GALNS: variants seen among roughly 807,000 people sequenced by gnomAD.
The protein encoded by GALNS is galactosamine (N-acetyl)-6-sulfatase.
In GALNS, 65 loss-of-function variants were observed where a neutral mutation model predicts 65.9. The observed-to-expected ratio is 0.99, with a 90% confidence interval of 0.81 to 1.21. GALNS has a LOEUF of 1.21. GALNS is among the 50% of genes most tolerant of loss of function. The probability of loss-of-function intolerance (pLI) is 0.00; values close to 1 mark genes in which losing one functional copy is unlikely to be tolerated. For synonymous variants in GALNS, 346 were observed against 288.9 expected (o/e 1.20, Z -2.00); for missense variants, 776 against 700.7 (o/e 1.11, Z -1.21).
intron 11 of GALNS, 106 bp from the exon 12 acceptor site, chr16:88,822,816 T>A: frequency 1.3e-6 from 2 of 1,498,774 alleles, no homozygotes; most frequent in Non-Finnish European, 1.8e-6. Context: ...GTGAGGGGCC[T>A]TGTCTGCCTG....
At chr16:88,814,891 G>A (rs755012936) in intron 13 of GALNS, 10 of 364,884 alleles carry the variant, frequency 2.7e-5, no homozygotes, top group South Asian at 1.1e-4. Flanking sequence ...GAGCCACCAC[G>A]CCCAACCATT....
intron 1 of GALNS, among the ~76,000 whole-genome samples, chr16:88,850,301 G>T (rs1284497698): frequency 2.0e-5 from 3 of 152,228 alleles, no homozygotes; most frequent in Non-Finnish European, 4.4e-5. Context: ...CCTCCCTGCA[G>T]GCTGCGTCCT....
intron 1 of GALNS, among the ~76,000 whole-genome samples, chr16:88,846,661 G>A (rs1219668709): frequency 1.3e-5 from 2 of 151,994 alleles, no homozygotes; most frequent in African/African-American, 4.8e-5. Context: ...TCCTGCCTCA[G>A]CCTCCCAAGT....
chr16:88,814,172 C>T lies in GALNS; in HGVS notation c.*267G>A, dbSNP rs938575327. On this transcript the variant is annotated 3_prime_UTR_variant, in exon 14 of 14. Coordinates refer to ENST00000268695, the MANE Select transcript of GALNS (RefSeq NM_000512.5). ...CTCAGATATTTGGGGTTCACAAAGG[C>T]GTGAGACGGCAGGGTCCTGAGGTCT... 14 of 559,396 alleles carry T rather than the reference C, an allele frequency of 2.5e-5. No homozygotes were observed. The highest frequency in any genetic ancestry group is 1.8e-4 in the South Asian group (9 of 49,934). The allele number at this position is 559,396 out of a possible 1,614,324, so 34.7% of individuals were successfully genotyped here. A position where few individuals can be genotyped will look rare whatever the true frequency, so the allele number is the denominator to read the frequency against.
intron 8 of GALNS, among the ~76,000 whole-genome samples, chr16:88,834,711 C>T (rs544710160): frequency 6.7e-5 from 10 of 150,374 alleles, no homozygotes; most frequent in East Asian, 6.1e-4. Context: ...TCATCAGTGC[C>T]GAGCGGGGGA....
chr16:88,822,449 G>T, intron 12 of GALNS, 140 bp downstream of exon 12: 1 of 1,143,596 alleles, frequency 8.7e-7, no homozygotes, highest in Non-Finnish European at 1.3e-6. Flanking sequence ...CCAAGCACGT[G>T]TGGGTATGAA....
chr16:88,830,630 T>G (rs1255685734), intron 9 of GALNS, among the ~76,000 whole-genome samples: 17 of 152,162 alleles, frequency 1.1e-4, no homozygotes. Context: ...TATGTCTGGC[T>G]CAAGTGCCTG....
At chr16:88,843,551 C>A in intron 1 of GALNS, 1 of 252,818 alleles carries the variant, frequency 4.0e-6, no homozygotes, top group Non-Finnish European at 8.0e-6. Context: ...CCAGGGTGGG[C>A]CCTCAATCCT....
chr16:88,822,493 G>C, intron 12 of GALNS, 96 bp downstream of exon 12: 3 of 1,514,756 alleles, frequency 2.0e-6, no homozygotes, highest in South Asian at 1.1e-5. Flanking sequence ...GGGAGGCGGC[G>C]GGCAGGGTGC....
At chr16:88,853,648 G>A (rs879648224) in intron 1 of GALNS, among the ~76,000 whole-genome samples, 1 of 152,236 alleles carries the variant, frequency 6.6e-6, no homozygotes, top group Admixed American at 6.5e-5. Context: ...AGTGGAACTT[G>A]TCACTGGGTC....
At chr16:88,839,273 G>A (rs1301001637) in intron 4 of GALNS, among the ~76,000 whole-genome samples, 3 of 149,236 alleles carry the variant, frequency 2.0e-5, no homozygotes, top group African/African-American at 5.1e-5. Context: ...CCCGGCCACA[G>A]GGGACACTCG....
At chr16:88,839,640 C>T (rs1164329166) in intron 4 of GALNS, among the ~76,000 whole-genome samples, 1 of 152,238 alleles carries the variant, frequency 6.6e-6, no homozygotes. Flanking sequence ...GATAGGGACC[C>T]CCCCACCTGA....
At chr16:88,848,652 G>T (rs1967364489) in intron 1 of GALNS, among the ~76,000 whole-genome samples, 1 of 152,174 alleles carries the variant, frequency 6.6e-6, no homozygotes, top group South Asian at 2.1e-4. Flanking sequence ...CTGGGTCGGG[G>T]CCGGTGGGCG....
Position 88,856,809 on chromosome 16 carries a change from C to G in GALNS, c.69G>C (p.Gly23=). ...LLLVLSAAGM[G]ASGAPQPPNI... is the part of the protein sequence containing the mutation. Reference sequence around the variant, plus strand: ...TGGGGGGCTGCGGGGCGCCCGAGGCCCCCATCCCCGCGGCGCTGAGCACCA... The same window carrying G: ...TGGGGGGCTGCGGGGCGCCCGAGGCGCCCATCCCCGCGGCGCTGAGCACCA... The change falls in exon 1 of 14, where the codon GGG becomes GGC. Residue 23 remains glycine (G), a synonymous_variant. Transcript: ENST00000268695. 6.5e-7 allele frequency: 1 copy of G among 1,539,324 alleles called. No homozygotes were observed. The highest frequency in any genetic ancestry group is 8.7e-7 in the Non-Finnish European group (1 of 1,153,528).
chr16:88,818,224 A>G (rs1391014606), intron 12 of GALNS, 100 bp from the exon 13 acceptor site: 14 of 943,322 alleles, frequency 1.5e-5, no homozygotes, highest in Non-Finnish European at 2.1e-5. Context: ...TAACGGGCTG[A>G]GAACCACAGT....
chr16:88,835,602 G>T lies in GALNS; in HGVS notation c.758+123C>A, dbSNP rs1270826361. ...CCAGGCCAGTGGACGGCTTCAAAGG[G>T]GTGGGGTTGCTCTGGCCTTTCCATA... On this transcript the variant is annotated intron_variant, in intron 7 of 13. Transcript: ENST00000268695. 53 of 1,468,442 alleles carry T rather than the reference G, an allele frequency of 3.6e-5. No individual in the cohort carries two copies. In the South Asian group the frequency reaches 5.5e-4, roughly 15 times the overall value. The allele number at this position is 1,468,442 out of a possible 1,614,324, so 91.0% of individuals were successfully genotyped here. A position where few individuals can be genotyped will look rare whatever the true frequency, so the allele number is the denominator to read the frequency against.
chr16:88,843,858 G>A (rs1178570181), intron 1 of GALNS: 1 of 152,962 alleles, frequency 6.5e-6, no homozygotes, highest in African/African-American at 2.4e-5. Context: ...CACCGCGCAC[G>A]GCCCTGGAAA....
At chr16:88,840,594 T>C (rs1219764738) in intron 4 of GALNS, 1 of 348,384 alleles carries the variant, frequency 2.9e-6, no homozygotes, top group Non-Finnish European at 5.6e-6. Context: ...GCTTTCACCA[T>C]CCAACAGGCC....
Position 88,835,403 on chromosome 16 carries a change from T to C in GALNS, c.759-51A>G, listed in dbSNP as rs1387049790. ...TCCATACCTGGAGGATGGTGACAAATGGATCAGGCAGCCAACGGCATACTG... is the reference window on the plus strand; with the variant it reads ...TCCATACCTGGAGGATGGTGACAAACGGATCAGGCAGCCAACGGCATACTG... On this transcript the variant is annotated intron_variant, in intron 7 of 13. Transcript: ENST00000268695. 5 of 1,609,208 alleles carry C rather than the reference T, an allele frequency of 3.1e-6. No homozygotes were observed. The South Asian group carries it at 4.4e-5, about 14-fold the overall frequency.
Sources: allele counts gnomAD v4.1 joint callset (sites outside exome capture counted in the v4.1 genomes callset), GRCh38; gene constraint gnomAD v4.1.1; transcripts MANE v1.5; gene names NCBI Gene and HGNC (gene_info 2026-07-23, HGNC 2026-07-21).